C8orf34: variants seen among roughly 807,000 people sequenced by gnomAD.
The protein encoded by C8orf34 is chromosome 8 open reading frame 34.
C8orf34 carries 65 observed loss-of-function variants against 68.3 expected under a neutral mutation model. The observed-to-expected ratio is 0.95, with a 90% confidence interval of 0.78 to 1.17. C8orf34 has a LOEUF of 1.17. Among genes scored for constraint, C8orf34 ranks in the 50% most tolerant of loss-of-function variants. The pLI is 0.00. For missense variants in C8orf34, 664 were observed against 655.4 expected (o/e 1.01, Z -0.14); for synonymous variants, 244 against 241.2 (o/e 1.01, Z -0.11).
At chr8:68,392,771 A>T (rs779514426) in intron 1 of C8orf34, among the ~76,000 whole-genome samples, 19 of 152,150 alleles carry the variant, frequency 1.2e-4, no homozygotes, top group Non-Finnish European at 2.6e-4. Context: ...TGCTTATGGT[A>T]GGGACTAGAG....
chr8:68,429,833 G>C (rs531337371), intron 1 of C8orf34, among the ~76,000 whole-genome samples: 2 of 152,126 alleles, frequency 1.3e-5, no homozygotes, highest in Non-Finnish European at 2.9e-5. Context: ...TTTTAACATT[G>C]ACAACAGGCA....
At chr8:68,585,870 C>T (rs1372355267) in intron 7 of C8orf34, among the ~76,000 whole-genome samples, 1 of 152,062 alleles carries the variant, frequency 6.6e-6, no homozygotes, top group Non-Finnish European at 1.5e-5. Context: ...CAAGCGGAGG[C>T]CACAATGTCT....
chr8:68,618,207 G>C (rs1818284642), intron 7 of C8orf34, among the ~76,000 whole-genome samples: 1 of 152,044 alleles, frequency 6.6e-6, no homozygotes, highest in Non-Finnish European at 1.5e-5. Context: ...AATGATAAAA[G>C]TTATGCCACT....
intron 8 of C8orf34, among the ~76,000 whole-genome samples, chr8:68,702,528 A>C (rs1821049122): frequency 6.6e-6 from 1 of 152,284 alleles, no homozygotes; most frequent in East Asian, 1.9e-4. Context: ...CTCTTTAGTT[A>C]GATACTGTTT....
intron 1 of C8orf34, among the ~76,000 whole-genome samples, chr8:68,361,602 T>A (rs1365749792): frequency 1.3e-5 from 2 of 152,258 alleles, no homozygotes; most frequent in Non-Finnish European, 2.9e-5. Context: ...TCCTTACATT[T>A]TCCATTTCTG....
chr8:68,442,030 T>G (rs1057425473), intron 2 of C8orf34, among the ~76,000 whole-genome samples: 1 of 152,116 alleles, frequency 6.6e-6, no homozygotes, highest in African/African-American at 2.4e-5. Flanking sequence ...TTCAATATCA[T>G]ACAGATAATA....
chr8:68,629,333 G>A (rs1818623581), intron 7 of C8orf34, among the ~76,000 whole-genome samples: 5 of 152,152 alleles, frequency 3.3e-5, no homozygotes, highest in Admixed American at 3.3e-4. Flanking sequence ...TTCCCTAAAA[G>A]TGGTAAGATG....
chr8:68,813,121 G>C (rs1824703899), intron 12 of C8orf34, among the ~76,000 whole-genome samples: 1 of 152,152 alleles, frequency 6.6e-6, no homozygotes, highest in South Asian at 2.1e-4. Flanking sequence ...AGAAGAAATA[G>C]TGTTCTAATC....
intron 7 of C8orf34, among the ~76,000 whole-genome samples, chr8:68,580,979 T>G (rs1817046647): frequency 6.6e-6 from 1 of 152,092 alleles, no homozygotes; most frequent in Admixed American, 6.6e-5. Flanking sequence ...ACAGGGTGAT[T>G]TAATACAGGA....
At chr8:68,604,916 C>A (rs192303141) in intron 7 of C8orf34, among the ~76,000 whole-genome samples, 1 of 152,006 alleles carries the variant, frequency 6.6e-6, no homozygotes, top group Non-Finnish European at 1.5e-5. Flanking sequence ...AACATAAAGA[C>A]AAGAGGCACT....
chr8:68,710,059 A>T (rs1821288080), intron 9 of C8orf34, among the ~76,000 whole-genome samples: 1 of 152,214 alleles, frequency 6.6e-6, no homozygotes, highest in African/African-American at 2.4e-5. Context: ...GTAGAAAATT[A>T]AAAACTCCTG....
intron 1 of C8orf34, among the ~76,000 whole-genome samples, chr8:68,342,735 A>G (rs1806122808): frequency 6.6e-6 from 1 of 152,138 alleles, no homozygotes; most frequent in African/African-American, 2.4e-5. Flanking sequence ...TAGCAGTCTC[A>G]GTTATCAGAT....
intron 1 of C8orf34, among the ~76,000 whole-genome samples, chr8:68,384,949 G>A (rs7845014): frequency 0.067 from 10,127 of 152,208 alleles, 403 homozygotes; most frequent in African/African-American, 0.11. Flanking sequence ...TTACACACCA[G>A]AAAATAGGGT....
intron 7 of C8orf34, among the ~76,000 whole-genome samples, chr8:68,613,577 A>G (rs946575766): frequency 6.6e-6 from 1 of 151,812 alleles, no homozygotes; most frequent in Non-Finnish European, 1.5e-5. Context: ...ACTGAGAATG[A>G]TGATTTCCAA....
chr8:68,538,182 C>T (rs985624364), intron 7 of C8orf34, among the ~76,000 whole-genome samples: 5 of 152,114 alleles, frequency 3.3e-5, no homozygotes, highest in African/African-American at 1.2e-4. Flanking sequence ...ATACCAATAA[C>T]ATAGAATAAT....
At chr8:68,352,740 G>T (rs1261356455) in intron 1 of C8orf34, among the ~76,000 whole-genome samples, 2 of 152,026 alleles carry the variant, frequency 1.3e-5, no homozygotes, top group African/African-American at 4.8e-5. Flanking sequence ...CTTTAAACCA[G>T]CAATTTCATT....
chr8:68,546,003 T>A (rs1406074539), intron 7 of C8orf34, among the ~76,000 whole-genome samples: 4 of 152,080 alleles, frequency 2.6e-5, no homozygotes, highest in African/African-American at 9.7e-5. Context: ...GATATAATAT[T>A]TTTTGTAAGT....
At chr8:68,463,024 C>T (rs1238640518) in intron 3 of C8orf34, among the ~76,000 whole-genome samples, 1 of 151,770 alleles carries the variant, frequency 6.6e-6, no homozygotes, top group Non-Finnish European at 1.5e-5. Flanking sequence ...GAAGGATCAA[C>T]AAAATTGATA....
chr8:68,348,961 T>C (rs1232651611), intron 1 of C8orf34, among the ~76,000 whole-genome samples: 3 of 152,004 alleles, frequency 2.0e-5, no homozygotes, highest in Non-Finnish European at 4.4e-5. Context: ...ATTTTATTTC[T>C]TTCTCTTTCC....
Sources: gnomAD v4.1 joint callset for allele counts (sites outside exome capture counted in the v4.1 genomes callset) on GRCh38, gnomAD v4.1.1 for gene constraint, MANE v1.5 for transcripts, NCBI Gene and HGNC (gene_info 2026-07-23, HGNC 2026-07-21) for gene names.